DLGAP2: variants seen among roughly 807,000 people sequenced by gnomAD.
DLGAP2 encodes the protein disks large-associated protein 2.
A neutral mutation model predicts 100.3 loss-of-function variants in DLGAP2; 26 were observed. The ratio of observed to expected loss-of-function variants is 0.26; its 90% CI spans 0.19 to 0.36. The LOEUF (loss-of-function observed/expected upper bound fraction) is 0.36, where lower values mean the gene tolerates loss of function less well. Ranked by LOEUF, DLGAP2 falls within the 10% of genes least tolerant of loss-of-function variation. The probability of loss-of-function intolerance (pLI) is 1.00; values close to 1 mark genes in which losing one functional copy is unlikely to be tolerated. For synonymous variants in DLGAP2, 886 were observed against 630.1 expected, an observed-to-expected ratio of 1.41 and a Z score of -6.08; for missense variants, 1,858 against 1,453.2, an observed-to-expected ratio of 1.28 and a Z score of -4.53.
chr8:1,610,854 C>T (rs1796972493), intron 6 of DLGAP2, among the ~76,000 whole-genome samples: 1 of 142,796 alleles, frequency 7.0e-6, no homozygotes, highest in Non-Finnish European at 1.5e-5. Flanking sequence ...AGTTGAATCT[C>T]TGAATAGACC....
chr8:761,706 C>T (rs1430419314), intron 1 of DLGAP2, among the ~76,000 whole-genome samples: 1 of 152,208 alleles, frequency 6.6e-6, no homozygotes, highest in Non-Finnish European at 1.5e-5. Context: ...TGGAACCCTT[C>T]CTAGAAGACG....
intron 2 of DLGAP2, among the ~76,000 whole-genome samples, chr8:1,047,146 A>G (rs1228118574): frequency 3.3e-5 from 5 of 152,188 alleles, no homozygotes; most frequent in African/African-American, 9.7e-5. Flanking sequence ...ACTGCCCATC[A>G]TCTCCTTCCC....
At chr8:1,605,120 A>G (rs116585936) in intron 6 of DLGAP2, among the ~76,000 whole-genome samples, 3,103 of 152,200 alleles carry the variant, frequency 0.02, 95 homozygotes, top group African/African-American at 0.07. Flanking sequence ...CAGGCCAGGC[A>G]CCATCATTGC....
At chr8:783,097 C>T (rs983310281) in intron 1 of DLGAP2, among the ~76,000 whole-genome samples, 5 of 152,232 alleles carry the variant, frequency 3.3e-5, no homozygotes, top group African/African-American at 4.8e-5. Flanking sequence ...CATCATCTCA[C>T]AATGACAGAT....
intron 4 of DLGAP2, among the ~76,000 whole-genome samples, chr8:1,536,893 C>T (rs999794981): frequency 1.3e-5 from 2 of 152,156 alleles, no homozygotes; most frequent in Non-Finnish European, 1.5e-5. Context: ...GCATTCAGTG[C>T]TCACAGTCGC....
intron 4 of DLGAP2, among the ~76,000 whole-genome samples, chr8:1,543,898 C>A (rs1801446639): frequency 6.6e-6 from 1 of 151,000 alleles, no homozygotes; most frequent in African/African-American, 2.5e-5. Context: ...TCTTTCACGT[C>A]CTTTTTTTCT....
At chr8:1,302,840 G>C (rs1253314569) in intron 3 of DLGAP2, among the ~76,000 whole-genome samples, 1 of 152,254 alleles carries the variant, frequency 6.6e-6, no homozygotes, top group African/African-American at 2.4e-5. Context: ...CGGCGCCGCT[G>C]GAGTCGATTC....
At chr8:1,323,377 C>T (rs538701745) in intron 3 of DLGAP2, among the ~76,000 whole-genome samples, 1 of 152,296 alleles carries the variant, frequency 6.6e-6, no homozygotes, top group African/African-American at 2.4e-5. Flanking sequence ...GATGCACATC[C>T]TCCGGGAGGA....
intron 3 of DLGAP2, among the ~76,000 whole-genome samples, chr8:1,306,686 C>G (rs1252948558): frequency 6.6e-6 from 1 of 152,106 alleles, no homozygotes; most frequent in South Asian, 2.1e-4. Flanking sequence ...TAAGTGCTGG[C>G]ATAATCACAG....
At chr8:1,638,573 C>A (rs950974691) in intron 8 of DLGAP2, among the ~76,000 whole-genome samples, 1 of 152,012 alleles carries the variant, frequency 6.6e-6, no homozygotes, top group Non-Finnish European at 1.5e-5. Flanking sequence ...GACAGCTCCT[C>A]AAATAGCACA....
At chr8:1,606,390 C>T (rs1166667093) in intron 6 of DLGAP2, among the ~76,000 whole-genome samples, 2 of 152,100 alleles carry the variant, frequency 1.3e-5, no homozygotes, top group Non-Finnish European at 2.9e-5. Context: ...AAAAGAAACC[C>T]TGTACCGTCA....
intron 3 of DLGAP2, among the ~76,000 whole-genome samples, chr8:1,463,580 G>T (rs1253228882): frequency 6.6e-6 from 1 of 152,364 alleles, no homozygotes; most frequent in Middle Eastern, 3.4e-3. Context: ...CGCGTTGAGG[G>T]GTCCAGTGGT....
At chr8:951,498 G>GGGA (rs1799479272) in intron 2 of DLGAP2, among the ~76,000 whole-genome samples, 1 of 152,146 alleles carries the variant, frequency 6.6e-6, no homozygotes, top group African/African-American at 2.4e-5. Flanking sequence ...TGATCTGCCC[G>GGGA]TCTTGGCCTC....
intron 3 of DLGAP2, among the ~76,000 whole-genome samples, chr8:1,281,334 C>A (rs1035257648): frequency 9.2e-5 from 14 of 152,156 alleles, no homozygotes; most frequent in African/African-American, 3.4e-4. Context: ...TCGCTCCCGG[C>A]GAAGGCAGCC....
intron 3 of DLGAP2, among the ~76,000 whole-genome samples, chr8:1,440,178 C>G (rs953253401): frequency 6.6e-6 from 1 of 152,086 alleles, no homozygotes; most frequent in African/African-American, 2.4e-5. Context: ...GAGAAAAGAC[C>G]CTGATACAAC....
chr8:1,457,686 C>G (rs571996802), intron 3 of DLGAP2, among the ~76,000 whole-genome samples: 2 of 151,956 alleles, frequency 1.3e-5, no homozygotes, highest in East Asian at 1.9e-4. Flanking sequence ...TTTCTCTTCC[C>G]TCTAATGCAA....
At chr8:1,155,711 C>T (rs1796770878) in intron 2 of DLGAP2, among the ~76,000 whole-genome samples, 1 of 152,194 alleles carries the variant, frequency 6.6e-6, no homozygotes, top group African/African-American at 2.4e-5. Flanking sequence ...CCCAGCGCTT[C>T]TCACTTCCCC....
At chr8:1,295,687 A>G (rs1800156415) in intron 3 of DLGAP2, among the ~76,000 whole-genome samples, 1 of 152,190 alleles carries the variant, frequency 6.6e-6, no homozygotes, top group Admixed American at 6.5e-5. Flanking sequence ...TTAAAAACAA[A>G]TAGAAGAAAA....
chr8:1,690,233 G>C (rs1263488838), intron 12 of DLGAP2, among the ~76,000 whole-genome samples: 1 of 151,920 alleles, frequency 6.6e-6, no homozygotes, highest in Non-Finnish European at 1.5e-5. Flanking sequence ...GCATGCACCT[G>C]TAATCCCAGC....
Sources: gnomAD v4.1 joint callset for allele counts (sites outside exome capture counted in the v4.1 genomes callset) on GRCh38, gnomAD v4.1.1 for gene constraint, MANE v1.5 for transcripts, NCBI Gene and HGNC (gene_info 2026-07-23, HGNC 2026-07-21) for gene names.